POP1: variants seen among roughly 807,000 people sequenced by gnomAD.
POP1 encodes ribonucleases P/MRP protein subunit POP1.
A neutral mutation model predicts 102.2 loss-of-function variants in POP1; 75 were observed. The observed-to-expected ratio is 0.73, with a 90% CI of 0.61 to 0.89. The LOEUF (loss-of-function observed/expected upper bound fraction) is 0.89. POP1 is among the 40% of genes least tolerant of loss of function. POP1 has a pLI of 0.00. For synonymous variants in POP1, 436 were observed against 464.1 expected, an observed-to-expected ratio of 0.94 and a Z score of 0.78; for missense variants, 1,116 against 1,267.4, an observed-to-expected ratio of 0.88 and a Z score of 1.81.
rs535001430 is a variant in POP1, at chr8:98,157,125, C to T, written c.2421-492C>T. On this transcript the variant is annotated intron_variant, in intron 15 of 15. Coordinates refer to ENST00000401707, the MANE Select transcript of POP1 (RefSeq NM_001145860.2). ...CTCCTGACCTCAGGTGACCCGCCCA[C>T]CTCAGCCTCCCAAAGTGCTAGGATT... 2.6e-5 allele frequency among the ~76,000 whole-genome samples: 4 copies of T among 152,240 alleles called. No individual in the cohort carries two copies. In the South Asian group the frequency reaches 8.3e-4, roughly 32 times the overall value.
rs375952366 is a variant in POP1, at chr8:98,144,396, C to T, written c.1595-2172C>T. Among the ~76,000 whole-genome samples, 18 of 152,114 alleles carry T rather than the reference C, an allele frequency of 1.2e-4. No individual in the cohort carries two copies. The South Asian group carries it at 3.5e-3, about 30-fold the overall frequency. On this transcript the variant is annotated intron_variant, in intron 11 of 15. Coordinates refer to ENST00000401707, the MANE Select transcript of POP1 (RefSeq NM_001145860.2). ...GCTCAAGCGATCCTCCCACCGCAGCCCCCCAAATAGCTGGGATTACAGGCA... is the reference window on the plus strand; with the variant it reads ...GCTCAAGCGATCCTCCCACCGCAGCTCCCCAAATAGCTGGGATTACAGGCA...
chr8:98,136,746 T>C lies in POP1; in HGVS notation c.1268+8T>C, dbSNP rs776801530. On this transcript the variant is annotated splice_region_variant and intron_variant, in intron 8 of 15. Coordinates refer to ENST00000401707, the MANE Select transcript of POP1 (RefSeq NM_001145860.2). ...CACAGGCATTATAATCAGGTATGAGTTGAATTTGCTTTGAACCTACTGAAC... is the reference window on the plus strand; with the variant it reads ...CACAGGCATTATAATCAGGTATGAGCTGAATTTGCTTTGAACCTACTGAAC... The C allele has an allele frequency of 6.2e-7, 1 of 1,613,906 alleles. No individual in the cohort carries two copies. Among genetic ancestry groups the C allele is most frequent in the East Asian group, 2.2e-5 (1 of 44,882 alleles).
chr8:98,118,647 A>G (rs1586221879), intron 1 of POP1, among the ~76,000 whole-genome samples: 2 of 152,062 alleles, frequency 1.3e-5, no homozygotes. Flanking sequence ...GCTGGTCTCC[A>G]ACTCTTGGGC....
At chr8:98,144,288 A>G (rs761594792) in intron 11 of POP1, among the ~76,000 whole-genome samples, 1 of 151,792 alleles carries the variant, frequency 6.6e-6, no homozygotes, top group Non-Finnish European at 1.5e-5. Context: ...TATTTTATTT[A>G]TTTTTGAGAC....
At chr8:98,155,065 C>T (rs1379693651) in intron 14 of POP1, among the ~76,000 whole-genome samples, 1 of 152,032 alleles carries the variant, frequency 6.6e-6, no homozygotes, top group Non-Finnish European at 1.5e-5. Context: ...AGCTGGGTCA[C>T]TAGAGGTCAA....
rs1809441317 is a variant in POP1 at position 98,148,976 on chromosome 8, G to A, written c.1872G>A (p.Lys624=). ...GTGGCTGGGATGTCCTACTCCCAAA[G>A]GGCTGGGGCATGGCTTTCTGGATTC... ...WGSGWDVLLP[K]GWGMAFWIPF... The change falls in exon 13 of 16, where the codon AAG becomes AAA. Residue 624 remains lysine, a synonymous_variant. Transcript: ENST00000401707. 1 of 1,613,492 alleles carries A rather than the reference G, an allele frequency of 6.2e-7. No individual in the cohort carries two copies. Among genetic ancestry groups the A allele is most frequent in the South Asian group, 1.1e-5 (1 of 91,002 alleles).
At chr8:98,133,572 T>C (rs1199137791) in intron 5 of POP1, among the ~76,000 whole-genome samples, 5 of 152,190 alleles carry the variant, frequency 3.3e-5, no homozygotes, top group Non-Finnish European at 5.9e-5. Flanking sequence ...AGGTAGACTT[T>C]GGGGGTGAAT....
At chr8:98,142,194 A>G (rs1816723452) in intron 11 of POP1, among the ~76,000 whole-genome samples, 1 of 152,176 alleles carries the variant, frequency 6.6e-6, no homozygotes. Context: ...TGAGGTGATT[A>G]TTAAATCCTC....
At chr8:98,131,433 C>T (rs974308518) in intron 5 of POP1, among the ~76,000 whole-genome samples, 1 of 152,156 alleles carries the variant, frequency 6.6e-6, no homozygotes, top group Admixed American at 6.6e-5. Flanking sequence ...GTCAGAATTC[C>T]CTTCCCTTTT....
chr8:98,127,109 G>A (rs1816227707), intron 2 of POP1, among the ~76,000 whole-genome samples: 1 of 152,122 alleles, frequency 6.6e-6, no homozygotes, highest in Non-Finnish European at 1.5e-5. Flanking sequence ...CATGGTGGAA[G>A]GAGCGAGGGT....
chr8:98,143,916 G>A (rs1816774928), intron 11 of POP1, among the ~76,000 whole-genome samples: 1 of 152,142 alleles, frequency 6.6e-6, no homozygotes, highest in African/African-American at 2.4e-5. Context: ...CACTTTGGGA[G>A]GCCAAGGCGG....
chr8:98,138,847 CTTTTT>C (rs369408285), intron 9 of POP1, among the ~76,000 whole-genome samples: 5 of 130,856 alleles, frequency 3.8e-5, no homozygotes, highest in African/African-American at 5.7e-5. Flanking sequence ...GTTATGATTG[CTTTTT>C]TTTTTTTTTT....
intron 14 of POP1, 118 bp from the exon 15 acceptor site, chr8:98,155,931 GT>G (rs1809636124): frequency 5.0e-6 from 4 of 795,774 alleles, no homozygotes; most frequent in Non-Finnish European, 8.4e-6. Context: ...GTGTGTGTGT[GT>G]GTGTGTGTGT....
At chr8:98,129,249 G>A (rs1460391374) in intron 4 of POP1, among the ~76,000 whole-genome samples, 2 of 152,146 alleles carry the variant, frequency 1.3e-5, no homozygotes, top group African/African-American at 4.8e-5. Flanking sequence ...TGACTTTTTC[G>A]AAGTTGAAAA....
intron 1 of POP1, among the ~76,000 whole-genome samples, chr8:98,120,669 C>T (rs1815986277): frequency 6.7e-6 from 1 of 148,978 alleles, no homozygotes; most frequent in Non-Finnish European, 1.5e-5. Flanking sequence ...TTTCTTGAGA[C>T]GGAGTCTTGC....
At chr8:98,154,791 C>T (rs960553297) in intron 14 of POP1, among the ~76,000 whole-genome samples, 1 of 152,048 alleles carries the variant, frequency 6.6e-6, no homozygotes, top group Admixed American at 6.5e-5. Flanking sequence ...AGGGCATATT[C>T]ATTCAGTAGA....
intron 14 of POP1, among the ~76,000 whole-genome samples, chr8:98,151,229 G>A (rs775997187): frequency 3.9e-5 from 6 of 152,106 alleles, no homozygotes; most frequent in African/African-American, 7.2e-5. Flanking sequence ...GTAAAGGCAT[G>A]TGCCATTGTG....
chr8:98,123,371 A>G lies in POP1; in HGVS notation c.34A>G (p.Lys12Glu). ...TGCAAAAGAAAGAAAACACGCCAAG[A>G]AAATGAGAAACCAGCCTACCAATGT... ...SNAKERKHAK[K>E]MRNQPTNVTL... Residue 12 changes from lysine (K) to glutamate (E), a missense_variant, in exon 2 of 16, where the codon AAA becomes GAA. Coordinates refer to ENST00000401707, the MANE Select transcript of POP1 (RefSeq NM_001145860.2). The G allele has an allele frequency of 6.2e-7, 1 of 1,614,098 alleles. No individual in the cohort carries two copies. The highest frequency in any genetic ancestry group is 1.1e-5 in the South Asian group (1 of 91,082).
In POP1 at chr8:98,134,501, T is replaced by A; in HGVS notation, c.853T>A (p.Ser285Thr). The A allele has an allele frequency of 6.2e-7, 1 of 1,614,186 alleles. No individual in the cohort carries two copies. Among genetic ancestry groups the A allele is most frequent in the Non-Finnish European group, 8.5e-7 (1 of 1,180,026 alleles). ...GACGTTTGCAGCAGTTCACTGCTTG[T>A]CTGGAAAGCGCCAAGGGAGCCTTGT... Reference protein sequence around the residue: ...GLTFAAVHCLSGKRQGSLVLY... With the variant: ...GLTFAAVHCLTGKRQGSLVLY... Residue 285 changes from serine (S) to threonine (T), a missense_variant, in exon 7 of 16, where the codon TCT becomes ACT. Coordinates refer to ENST00000401707, the MANE Select transcript of POP1 (RefSeq NM_001145860.2).
Sources: gnomAD v4.1 joint callset for allele counts (sites outside exome capture counted in the v4.1 genomes callset) on GRCh38, gnomAD v4.1.1 for gene constraint, MANE v1.5 for transcripts, NCBI Gene and HGNC (gene_info 2026-07-23, HGNC 2026-07-21) for gene names.